ZC3HAV1L: variants seen among roughly 807,000 people sequenced by gnomAD.
The protein encoded by ZC3HAV1L is ZC3HAV1 like.
In ZC3HAV1L, 23 loss-of-function variants were observed where a neutral mutation model predicts 28.2. The ratio of observed to expected loss-of-function variants is 0.82; its 90% CI spans 0.59 to 1.16. The LOEUF is 1.16. Among genes scored for constraint, ZC3HAV1L ranks in the 50% most tolerant of loss-of-function variants. The probability of loss-of-function intolerance (pLI) is 0.00; values close to 1 mark genes in which losing one functional copy is unlikely to be tolerated. For synonymous variants in ZC3HAV1L, 180 were observed against 163.4 expected, an observed-to-expected ratio of 1.10 and a Z score of -0.78; for missense variants, 376 against 387.7, an observed-to-expected ratio of 0.97 and a Z score of 0.25.
intron 1 of ZC3HAV1L, chr7:139,035,204 C>T (rs1180798292): frequency 4.1e-6 from 4 of 985,318 alleles, no homozygotes; most frequent in Admixed American, 1.2e-4. Flanking sequence ...GCTGTTAAAC[C>T]TAGAGGGCGC....
Position 139,026,501 on chromosome 7 carries a change from A to G in ZC3HAV1L, c.*43T>C, listed in dbSNP as rs771009734. On this transcript the variant is annotated 3_prime_UTR_variant, in exon 5 of 5. Transcript: ENST00000275766. The stretch of plus-strand genomic sequence containing the variant: ...CCCCATCCCCAACCACCCATGCCCA[A>G]ATGTATTCTTCCAAAAGGACATTTT... The G allele has an allele frequency of 1.2e-6, 2 of 1,612,106 alleles. No homozygotes were observed. The highest frequency in any genetic ancestry group is 2.2e-5 in the South Asian group (2 of 90,974).
chr7:139,023,036 A>G (rs55904077), downstream of ZC3HAV1L, among the ~76,000 whole-genome samples: 69,677 of 151,762 alleles, frequency 0.46, 16,626 homozygotes, highest in Non-Finnish European at 0.52. Flanking sequence ...TTAGCCAGGC[A>G]TGGTGGTACA....
Position 139,036,022 on chromosome 7 carries a change from G to A in ZC3HAV1L, c.-5C>T. 2.7e-6 allele frequency: 4 copies of A among 1,499,420 alleles called. 1 individual carries two copies. Among genetic ancestry groups the A allele is most frequent in the South Asian group, 1.2e-5 (1 of 80,270 alleles). The allele number at this position is 1,499,420 out of a possible 1,614,324, so 92.9% of individuals were successfully genotyped here. On this transcript the variant is annotated 5_prime_UTR_variant, in exon 1 of 5. Coordinates refer to ENST00000275766, the MANE Select transcript of ZC3HAV1L (RefSeq NM_080660.4). ...GCACACTGTGGGCTCCGCCATGGTC[G>A]CTGGCGCGGGCCCTGTGCGCGCGGC... is the stretch of plus-strand genomic sequence containing the variant.
At chr7:139,023,198 A>AAAC (rs1490408270), downstream of ZC3HAV1L, among the ~76,000 whole-genome samples, 9 of 151,658 alleles carry the variant, frequency 5.9e-5, no homozygotes, top group East Asian at 1.5e-3. Context: ...AAAAAAAAAA[A>AAAC]AAAACAGGGA....
At position 139,032,645 on chromosome 7, in the gene ZC3HAV1L, TAAAATA is replaced by T. The variant is rs1434684863; in HGVS notation, c.501+1892_501+1897del. The stretch of plus-strand genomic sequence containing the variant: ...CTCAAAAAAAAAGAAATAAATAAAA[TAAAATA>T]AAAATAAAAATAAAATAAAATAAAT... On this transcript the variant is annotated intron_variant, in intron 2 of 4. Transcript: ENST00000275766. 6.1e-3 allele frequency among the ~76,000 whole-genome samples: 867 copies of T among 142,210 alleles called. 7 individuals carry two copies. The highest frequency in any genetic ancestry group is 7.0e-3 in the Middle Eastern group (2 of 284). 93.3% of individuals were successfully genotyped at this position (142,210 alleles called of 152,430 possible).
rs771621621 is a variant in ZC3HAV1L, at chr7:139,028,992, T to C, written c.502-32A>G. The C allele has an allele frequency of 5.7e-6, 9 of 1,591,740 alleles. No individual in the cohort carries two copies. In the East Asian group the frequency reaches 1.3e-4, roughly 24 times the overall value. On this transcript the variant is annotated intron_variant, in intron 2 of 4. Transcript: ENST00000275766. ...CAGAAATGAGGGAACACCTGAAATA[T>C]TAGTTTTTCTTTTTTTTTTGGCAGC...
intron 2 of ZC3HAV1L, among the ~76,000 whole-genome samples, chr7:139,029,790 CA>C (rs1815469943): frequency 1.3e-5 from 2 of 152,162 alleles, no homozygotes; most frequent in African/African-American, 4.8e-5. Context: ...AAACCAGTTT[CA>C]ACGGGTGGCA....
intron 2 of ZC3HAV1L, 141 bp downstream of exon 2, chr7:139,034,402 T>C: frequency 7.4e-7 from 1 of 1,355,366 alleles, no homozygotes; most frequent in Non-Finnish European, 1.0e-6. Context: ...ATAGCAATTA[T>C]AAAGGGTACC....
At chr7:139,035,409 G>A in intron 1 of ZC3HAV1L, 1 of 985,320 alleles carries the variant, frequency 1.0e-6, no homozygotes, top group Non-Finnish European at 1.2e-6. Flanking sequence ...GGCGGGCGGG[G>A]GCAGCAACTT....
At chr7:139,035,180 G>A in intron 1 of ZC3HAV1L, 2 of 985,416 alleles carry the variant, frequency 2.0e-6, no homozygotes, top group Non-Finnish European at 2.4e-6. Context: ...TTCCTGGGGT[G>A]AGACTGGCTC....
At chr7:139,031,883 C>T (rs770803255) in intron 2 of ZC3HAV1L, among the ~76,000 whole-genome samples, 5 of 151,882 alleles carry the variant, frequency 3.3e-5, no homozygotes, top group African/African-American at 7.2e-5. Context: ...CCAGCCTGGG[C>T]GATAGAGCAA....
rs1563117184 is a variant in ZC3HAV1L, at chr7:139,036,042, C to G, written c.-25G>C. On this transcript the variant is annotated 5_prime_UTR_variant, in exon 1 of 5. Transcript: ENST00000275766. ...TGGTCGCTGGCGCGGGCCCTGTGCG[C>G]GCGGCGCAGCGAGCCGGGGCGGGCA... 3 of 1,471,316 alleles carry G rather than the reference C, an allele frequency of 2.0e-6. No homozygotes were observed. The African/African-American group carries it at 4.4e-5, about 22-fold the overall frequency. 91.1% of individuals were successfully genotyped at this position (1,471,316 alleles called of 1,614,324 possible). A position where few individuals can be genotyped will look rare whatever the true frequency, so the allele number is the denominator to read the frequency against.
At chr7:139,031,363 T>C (rs959793580) in intron 2 of ZC3HAV1L, among the ~76,000 whole-genome samples, 9 of 152,176 alleles carry the variant, frequency 5.9e-5, no homozygotes, top group Admixed American at 1.3e-4. Flanking sequence ...GGCAGGCGGA[T>C]TGCCTGAGCT....
intron 3 of ZC3HAV1L, 75 bp downstream of exon 3, chr7:139,028,627 G>A: frequency 6.5e-7 from 1 of 1,541,936 alleles, no homozygotes; most frequent in South Asian, 1.3e-5. Context: ...TCATGTCACT[G>A]TTCTTACTTC....
chr7:139,028,651 A>T, intron 3 of ZC3HAV1L, 51 bp downstream of exon 3: 4 of 1,578,262 alleles, frequency 2.5e-6, no homozygotes, highest in Non-Finnish European at 3.4e-6. Flanking sequence ...ACAGTGAAGC[A>T]TCGCAAAACC....
At chr7:139,034,800 C>T (rs910293447) in intron 1 of ZC3HAV1L, 122 bp from the exon 2 acceptor site, 5 of 1,453,208 alleles carry the variant, frequency 3.4e-6, no homozygotes, top group Non-Finnish European at 4.5e-6. Context: ...TTCATGAAAC[C>T]GGGGATAGTA....
chr7:139,026,914 C>A (rs1419928996), intron 3 of ZC3HAV1L, 81 bp from the exon 4 acceptor site: 2 of 1,487,624 alleles, frequency 1.3e-6, no homozygotes, highest in South Asian at 1.3e-5. Context: ...AGCTAACCAG[C>A]CATCAGACAA....
rs1428994819 is a variant in ZC3HAV1L, at chr7:139,026,775, T to C, written c.819A>G (p.Ala273=). Reference sequence around the variant, plus strand: ...GAGGACCAGCTTCTGCAGCTCCAGCTGCGTGCACTCCTTGCTTCTCAAGGC... The same window carrying C: ...GAGGACCAGCTTCTGCAGCTCCAGCCGCGTGCACTCCTTGCTTCTCAAGGC... ...SQGLEKQGVH[A]AGAAEAGPLA... is the part of the protein sequence containing the mutation. Residue 273 remains alanine, a synonymous_variant, in exon 4 of 5, where the codon GCA becomes GCG. Transcript: ENST00000275766. 6.2e-7 allele frequency: 1 copy of C among 1,614,098 alleles called. No individual in the cohort carries two copies. The highest frequency in any genetic ancestry group is 8.5e-7 in the Non-Finnish European group (1 of 1,180,030).
intron 3 of ZC3HAV1L, among the ~76,000 whole-genome samples, chr7:139,027,794 TA>T (rs1486754181): frequency 6.6e-6 from 1 of 152,224 alleles, no homozygotes; most frequent in East Asian, 1.9e-4. Context: ...TTTAAGATAT[TA>T]AATTAACATA....
Sources: gnomAD v4.1 joint callset for allele counts (sites outside exome capture counted in the v4.1 genomes callset) on GRCh38, gnomAD v4.1.1 for gene constraint, MANE v1.5 for transcripts, NCBI Gene and HGNC (gene_info 2026-07-23, HGNC 2026-07-21) for gene names.